The following NRG1 variants were observed in gnomAD, a reference collection of about 807,000 sequenced individuals.
NRG1 encodes pro-neuregulin-1, membrane-bound isoform.
A neutral mutation model predicts 63.8 loss-of-function variants in NRG1; 18 were observed. The observed-to-expected ratio is 0.28, with a 90% CI of 0.19 to 0.42. The LOEUF (loss-of-function observed/expected upper bound fraction) is 0.42, where lower values mean the gene tolerates loss of function less well. Ranked by LOEUF, NRG1 falls within the 10% of genes least tolerant of loss-of-function variation. The pLI is 1.00. For missense variants in NRG1, 762 were observed against 814.7 expected, an observed-to-expected ratio of 0.94 and a Z score of 0.79; for synonymous variants, 302 against 301.3, an observed-to-expected ratio of 1.00 and a Z score of -0.02.
intron 1 of NRG1, among the ~76,000 whole-genome samples, chr8:31,885,727 GA>G (rs1324989633): frequency 3.3e-5 from 5 of 152,126 alleles, no homozygotes; most frequent in African/African-American, 1.2e-4. Flanking sequence ...TAAATCCTGG[GA>G]AAAATGAAAA....
At chr8:32,581,383 A>T (rs1022907712) in intron 1 of NRG1, among the ~76,000 whole-genome samples, 11 of 152,238 alleles carry the variant, frequency 7.2e-5, no homozygotes, top group Admixed American at 6.5e-5. Context: ...TAACCCTGAT[A>T]AATTCAATAT....
intron 1 of NRG1, among the ~76,000 whole-genome samples, chr8:32,090,822 T>C (rs773280836): frequency 1.3e-5 from 2 of 152,188 alleles, no homozygotes; most frequent in Non-Finnish European, 2.9e-5. Context: ...CTTCTTAGTT[T>C]ATGTCCAGAG....
intron 1 of NRG1, among the ~76,000 whole-genome samples, chr8:32,383,852 T>A (rs944690055): frequency 2.0e-5 from 3 of 152,248 alleles, no homozygotes; most frequent in African/African-American, 7.2e-5. Context: ...GTAATGAGAA[T>A]GCATAGCCCC....
chr8:32,366,805 G>A (rs1032903536), intron 1 of NRG1, among the ~76,000 whole-genome samples: 52 of 149,922 alleles, frequency 3.5e-4, no homozygotes, highest in African/African-American at 1.1e-3. Context: ...TCCACCTCTC[G>A]GTTCAAGGGA....
chr8:32,044,543 A>G (rs1310800520), intron 1 of NRG1, among the ~76,000 whole-genome samples: 1 of 151,800 alleles, frequency 6.6e-6, no homozygotes, highest in East Asian at 1.9e-4. Flanking sequence ...ATTTATGAAG[A>G]TAGACCTCAT....
intron 1 of NRG1, among the ~76,000 whole-genome samples, chr8:32,157,514 C>T (rs1170895980): frequency 6.6e-6 from 1 of 150,864 alleles, no homozygotes; most frequent in Non-Finnish European, 1.5e-5. Context: ...ACAAAATTAG[C>T]CGGGCGTGGT....
intron 6 of NRG1, 50 bp from the exon 7 acceptor site, chr8:32,741,958 C>A: frequency 6.9e-7 from 1 of 1,442,916 alleles, no homozygotes; most frequent in Non-Finnish European, 9.8e-7. Context: ...AGTCTGAAAG[C>A]TCAGTGTCTT....
In NRG1 at chr8:32,361,321, C is replaced by T. The variant is rs559697584; in HGVS notation, c.38-234507C>T. Among the ~76,000 whole-genome samples, 468 of 152,018 alleles carry T rather than the reference C, an allele frequency of 3.1e-3. 3 individuals carry two copies. The highest frequency in any genetic ancestry group is 6.8e-3 in the Middle Eastern group (2 of 294). On this transcript the variant is annotated intron_variant, in intron 1 of 10. Transcript: ENST00000519301. ...AGAGGGGCCAAGTGTAGGAAGGGAG[C>T]GGGTAGAAAAGGAGGACCACAGGTG...
chr8:32,436,534 A>G (rs969786967), intron 1 of NRG1, among the ~76,000 whole-genome samples: 5 of 152,208 alleles, frequency 3.3e-5, no homozygotes, highest in African/African-American at 4.8e-5. Context: ...AGGAATCTTC[A>G]GATTCAGATT....
At position 32,281,183 on chromosome 8, in the gene NRG1, C is replaced by CATTTTTTTTTTTTTTTTT. The variant is rs1852779915; in HGVS notation, c.38-314645_38-314644insATTTTTTTTTTTTTTTTT. Among the ~76,000 whole-genome samples, 2 of 41,760 alleles carry CATTTTTTTTTTTTTTTTT rather than the reference C, an allele frequency of 4.8e-5. 1 individual carries two copies. Among genetic ancestry groups the CATTTTTTTTTTTTTTTTT allele is most frequent in the African/African-American group, 3.2e-4 (2 of 6,280 alleles). The allele number at this position is 41,760 out of a possible 152,430, so 27.4% of individuals were successfully genotyped here. ...GCATAGTACCCAATAGGTAGTTTTTCCTTTTTTTTTTTGAGACAGAATCTC... is the reference window on the plus strand; with the variant it reads ...GCATAGTACCCAATAGGTAGTTTTTCATTTTTTTTTTTTTTTTTCTTTTTTTTTTTGAGACAGAATCTC... On this transcript the variant is annotated intron_variant, in intron 1 of 10. Transcript: ENST00000519301.
chr8:32,149,659 G>A (rs1837285962), intron 1 of NRG1, among the ~76,000 whole-genome samples: 1 of 152,156 alleles, frequency 6.6e-6, no homozygotes, highest in South Asian at 2.1e-4. Flanking sequence ...TTTGTTGATT[G>A]TTTTGATTTT....
intron 1 of NRG1, among the ~76,000 whole-genome samples, chr8:31,724,340 T>A (rs1813213551): frequency 6.6e-6 from 1 of 152,124 alleles, no homozygotes. Flanking sequence ...GTCAGAATCA[T>A]CTACTGTATT....
chr8:32,212,325 C>A (rs1161597992), intron 1 of NRG1, among the ~76,000 whole-genome samples: 1 of 152,050 alleles, frequency 6.6e-6, no homozygotes, highest in Non-Finnish European at 1.5e-5. Context: ...AAAGTTAGCT[C>A]TTATTAAATT....
At chr8:31,813,516 C>CTTTTCTTTTCTTTTT in intron 1 of NRG1, among the ~76,000 whole-genome samples, 8 of 101,214 alleles carry the variant, frequency 7.9e-5, no homozygotes, top group East Asian at 3.6e-4. Flanking sequence ...CTTTTCTTTT[C>CTTTTCTTTTCTTTTT]TTTTTTTTTT....
intron 1 of NRG1, among the ~76,000 whole-genome samples, chr8:31,723,556 C>A (rs1027385762): frequency 1.3e-5 from 2 of 152,068 alleles, no homozygotes; most frequent in African/African-American, 2.4e-5. Context: ...GAACTCCTGG[C>A]TCAAGTCATC....
chr8:32,510,980 G>A (rs1363130690), intron 1 of NRG1, among the ~76,000 whole-genome samples: 1 of 127,494 alleles, frequency 7.8e-6, no homozygotes, highest in Non-Finnish European at 1.6e-5. Context: ...TTCTGAAGCA[G>A]GGTCTCCCTA....
intron 1 of NRG1, among the ~76,000 whole-genome samples, chr8:31,961,318 A>C (rs972916259): frequency 6.6e-6 from 1 of 152,204 alleles, no homozygotes; most frequent in Admixed American, 6.5e-5. Flanking sequence ...AAGAATTTTA[A>C]ATACATACAT....
chr8:32,568,374 A>G (rs553538581), intron 1 of NRG1, among the ~76,000 whole-genome samples: 1 of 152,278 alleles, frequency 6.6e-6, no homozygotes, highest in South Asian at 2.1e-4. Flanking sequence ...TGGTTTTTCC[A>G]CTAGTTCTTT....
intron 1 of NRG1, among the ~76,000 whole-genome samples, chr8:31,860,321 T>G (rs1361231092): frequency 6.6e-6 from 1 of 152,222 alleles, no homozygotes; most frequent in Non-Finnish European, 1.5e-5. Context: ...ATACTCATAA[T>G]GCTGAAGACA....
Sources: allele counts gnomAD v4.1 joint callset (sites outside exome capture counted in the v4.1 genomes callset), GRCh38; gene constraint gnomAD v4.1.1; transcripts MANE v1.5; gene names NCBI Gene and HGNC (gene_info 2026-07-23, HGNC 2026-07-21).